The following AFF2 variants were observed in gnomAD, a reference collection of about 807,000 sequenced individuals.
The protein encoded by AFF2 is ALF transcription elongation factor 2, also known as AF4/FMR2 family member 2.
A neutral mutation model predicts 76.9 loss-of-function variants in AFF2; 14 were observed. The ratio of observed to expected loss-of-function variants is 0.18; its 90% CI spans 0.12 to 0.28. The LOEUF is 0.28. Ranked by LOEUF, AFF2 falls within the 10% of genes least tolerant of loss-of-function variation. AFF2 has a pLI of 1.00. For synonymous variants in AFF2, 398 were observed against 366.7 expected (o/e 1.09, Z -0.98); for missense variants, 868 against 1,001.1 (o/e 0.87, Z 1.79).
At chrX:148,805,923 G>T (rs1367654465) in intron 3 of AFF2, among the ~76,000 whole-genome samples, 8 of 112,494 alleles carry the variant, frequency 7.1e-5, no homozygotes, top group African/African-American at 2.3e-4. Context: ...CCTGTGTGTC[G>T]TGCAGCTTGC....
chrX:148,955,022 G>A (rs782644572), intron 10 of AFF2, among the ~76,000 whole-genome samples: 1 of 112,668 alleles, frequency 8.9e-6, no homozygotes, highest in Non-Finnish European at 1.9e-5. Flanking sequence ...ATACACCGAC[G>A]AAAGCTCAGT....
At chrX:148,981,550 C>T (rs1557290872) in intron 19 of AFF2, among the ~76,000 whole-genome samples, 1 of 111,141 alleles carries the variant, frequency 9.0e-6, no homozygotes, top group African/African-American at 3.3e-5. Flanking sequence ...AGAGTGAGTT[C>T]GAATCCCAGT....
chrX:148,749,077 T>G (rs782369896), intron 3 of AFF2, among the ~76,000 whole-genome samples: 1 of 111,695 alleles, frequency 9.0e-6, no homozygotes, highest in African/African-American at 3.3e-5. Flanking sequence ...AAAGCTGTGC[T>G]TCACAGAATT....
At chrX:148,557,322 C>G (rs1449055242) in intron 1 of AFF2, among the ~76,000 whole-genome samples, 1 of 112,284 alleles carries the variant, frequency 8.9e-6, no homozygotes, top group African/African-American at 3.2e-5. Context: ...AAGTATTGGA[C>G]TGTAATGAAG....
intron 1 of AFF2, among the ~76,000 whole-genome samples, chrX:148,613,399 T>G (rs1206312945): frequency 9.0e-6 from 1 of 111,418 alleles, no homozygotes; most frequent in Non-Finnish European, 1.9e-5. Flanking sequence ...CAAGTGAAAA[T>G]GAATGTGAAA....
chrX:148,556,225 G>A (rs1470536856), intron 1 of AFF2, among the ~76,000 whole-genome samples: 3 of 112,225 alleles, frequency 2.7e-5, no homozygotes, highest in African/African-American at 9.7e-5. Context: ...CAGACCTAAT[G>A]TTCCTTTAGC....
chrX:148,662,300 C>T lies in AFF2; in HGVS notation c.573C>T (p.Ala191=). ...MQTLTQDQSQ[A]KLEDFFVYPA... is the part of the protein sequence containing the mutation. ...CTTTGACACAGGACCAGTCTCAAGCCAAACTGGAAGACTTCTTTGTCTACC... is the reference window on the plus strand; with the variant it reads ...CTTTGACACAGGACCAGTCTCAAGCTAAACTGGAAGACTTCTTTGTCTACC... Residue 191 remains alanine (A), a synonymous_variant, in exon 3 of 21, where the codon GCC becomes GCT. Transcript: ENST00000370460. The T allele has an allele frequency of 8.3e-7, 1 of 1,211,944 alleles. No individual in the cohort carries two copies. Among genetic ancestry groups the T allele is most frequent in the South Asian group, 1.8e-5 (1 of 57,005 alleles).
At chrX:148,956,991 C>T (rs2072049620) in intron 11 of AFF2, among the ~76,000 whole-genome samples, 1 of 112,706 alleles carries the variant, frequency 8.9e-6, no homozygotes, top group South Asian at 3.6e-4. Flanking sequence ...CTCTAAGTCT[C>T]CTGGGTCCTA....
intron 3 of AFF2, among the ~76,000 whole-genome samples, chrX:148,805,082 T>G (rs1221283392): frequency 9.0e-6 from 1 of 111,659 alleles, no homozygotes; most frequent in Admixed American, 9.5e-5. Context: ...GAGTTTTTAT[T>G]TTATTAGTAA....
chrX:148,749,451 C>T (rs2055470338), intron 3 of AFF2, among the ~76,000 whole-genome samples: 1 of 110,957 alleles, frequency 9.0e-6, no homozygotes, highest in Non-Finnish European at 1.9e-5. Context: ...TGTTCCATTG[C>T]ATATTTTCTT....
intron 2 of AFF2, among the ~76,000 whole-genome samples, chrX:148,657,364 A>G (rs5980566): frequency 0.17 from 19,249 of 111,624 alleles, 1,252 homozygotes; most frequent in Non-Finnish European, 0.2. Flanking sequence ...TTAGAAAAAG[A>G]CAAATTACTA....
At position 148,992,856 on chromosome X, in the gene AFF2, T is replaced by C. The variant is rs2124440894; in HGVS notation, c.*1524T>C. On this transcript the variant is annotated 3_prime_UTR_variant, in exon 21 of 21. Coordinates refer to ENST00000370460, the MANE Select transcript of AFF2 (RefSeq NM_002025.4). ...ACACTATCCATGCATTACTTACTGGTAATTACCTGCTGGTATATAATTCCA... is the reference window on the plus strand; with the variant it reads ...ACACTATCCATGCATTACTTACTGGCAATTACCTGCTGGTATATAATTCCA... The C allele has an allele frequency of 8.8e-6, 1 of 113,007 alleles. No individual in the cohort carries two copies. The highest frequency in any genetic ancestry group is 3.7e-4 in the South Asian group (1 of 2,708). The allele number at this position is 113,007 out of a possible 1,213,427, so 9.3% of individuals were successfully genotyped here.
At chrX:148,915,581 C>T (rs113593858) in intron 9 of AFF2, among the ~76,000 whole-genome samples, 1,219 of 112,260 alleles carry the variant, frequency 0.011, 21 homozygotes, top group African/African-American at 0.037. Context: ...AGAGCTCCTT[C>T]GTACTCATTC....
chrX:148,611,028 A>G (rs1183753021), intron 1 of AFF2, among the ~76,000 whole-genome samples: 9 of 111,746 alleles, frequency 8.1e-5, no homozygotes, highest in African/African-American at 2.6e-4. Context: ...ACTTAGCCCA[A>G]TGTTTTTCAA....
chrX:148,569,784 ATTTG>A (rs1247510461), intron 1 of AFF2, among the ~76,000 whole-genome samples: 1 of 111,611 alleles, frequency 9.0e-6, no homozygotes, highest in Non-Finnish European at 1.9e-5. Context: ...CTCATTAAAT[ATTTG>A]TTTAATGAAT....
chrX:148,599,855 A>T (rs890869811), intron 1 of AFF2, among the ~76,000 whole-genome samples: 4 of 111,975 alleles, frequency 3.6e-5, no homozygotes, highest in Non-Finnish European at 7.5e-5. Context: ...TGAACAATTC[A>T]TGCAAAAATA....
At chrX:148,891,320 G>A (rs1891176269) in intron 8 of AFF2, among the ~76,000 whole-genome samples, 1 of 111,492 alleles carries the variant, frequency 9.0e-6, no homozygotes, top group South Asian at 3.8e-4. Flanking sequence ...AGGAACCCCT[G>A]AAAATCAGGA....
chrX:148,926,560 A>G lies in AFF2; in HGVS notation c.1397+22302A>G, dbSNP rs192596321. ...AAATCAATTTCATTGCAGAGCAGCA[A>G]TGGAAGTAGCCGTGAATTCCATAGT... On this transcript the variant is annotated intron_variant, in intron 9 of 20. Transcript: ENST00000370460. Among the ~76,000 whole-genome samples, 14 of 111,933 alleles carry G rather than the reference A, an allele frequency of 1.3e-4. No homozygotes were observed. In the South Asian group the frequency reaches 2.3e-3, roughly 18 times the overall value.
chrX:148,501,363 G>T (rs782459649), intron 1 of AFF2, among the ~76,000 whole-genome samples: 1 of 112,573 alleles, frequency 8.9e-6, no homozygotes, highest in Admixed American at 9.3e-5. Flanking sequence ...ACCCGAAAGC[G>T]TCGCTTTGCG....
Sources: gnomAD v4.1 joint callset for allele counts (sites outside exome capture counted in the v4.1 genomes callset) on GRCh38, gnomAD v4.1.1 for gene constraint, MANE v1.5 for transcripts, NCBI Gene and HGNC (gene_info 2026-07-23, HGNC 2026-07-21) for gene names.